Variants in SLC9A9 observed in about 807,000 individuals in gnomAD.
SLC9A9 encodes the protein solute carrier family 9 member A9, also known as sodium/hydrogen exchanger 9.
In SLC9A9, 62 loss-of-function variants were observed where a neutral mutation model predicts 77.8. The ratio of observed to expected loss-of-function variants is 0.80; its 90% CI spans 0.65 to 0.98. The LOEUF (loss-of-function observed/expected upper bound fraction) is 0.98. Among genes scored for constraint, SLC9A9 ranks in the 50% least tolerant of loss-of-function variants. The pLI is 0.00. For missense variants in SLC9A9, 775 were observed against 774.9 expected (o/e 1.00, Z 0.00); for synonymous variants, 320 against 283.5 (o/e 1.13, Z -1.29).
chr3:143,446,773 T>C (rs1183282308), intron 12 of SLC9A9, among the ~76,000 whole-genome samples: 1 of 152,164 alleles, frequency 6.6e-6, no homozygotes, highest in South Asian at 2.1e-4. Flanking sequence ...TCAGGAGAGA[T>C]GACTGACTCT....
chr3:143,334,865 T>G (rs2108458220), intron 14 of SLC9A9, among the ~76,000 whole-genome samples: 1 of 152,198 alleles, frequency 6.6e-6, no homozygotes, highest in Non-Finnish European at 1.5e-5. Flanking sequence ...AATAAAATCA[T>G]GTTTAAAGTA....
At chr3:143,375,065 T>TA (rs2033151950) in intron 13 of SLC9A9, among the ~76,000 whole-genome samples, 1 of 152,186 alleles carries the variant, frequency 6.6e-6, no homozygotes, top group East Asian at 1.9e-4. Context: ...AATTTACACT[T>TA]ACTGAGCTAT....
chr3:143,765,881 A>G (rs1186922424), intron 4 of SLC9A9, among the ~76,000 whole-genome samples: 1 of 152,172 alleles, frequency 6.6e-6, no homozygotes, highest in African/African-American at 2.4e-5. Context: ...GCAGAAGCCT[A>G]AAAAAGCCTT....
chr3:143,333,341 A>G (rs911502186), intron 14 of SLC9A9, among the ~76,000 whole-genome samples: 1 of 151,290 alleles, frequency 6.6e-6, no homozygotes, highest in Non-Finnish European at 1.5e-5. Context: ...TAGCAAGCAA[A>G]TAATGCTCCA....
At chr3:143,455,174 C>A (rs2035068826) in intron 12 of SLC9A9, among the ~76,000 whole-genome samples, 1 of 152,192 alleles carries the variant, frequency 6.6e-6, no homozygotes, top group Non-Finnish European at 1.5e-5. Context: ...GCTGAAAATA[C>A]TATCCCTATG....
chr3:143,326,406 G>A (rs138607339), intron 14 of SLC9A9, among the ~76,000 whole-genome samples: 9 of 152,116 alleles, frequency 5.9e-5, no homozygotes, highest in Non-Finnish European at 1.0e-4. Context: ...CCGGCCCTGC[G>A]TGATCTGTCT....
intron 9 of SLC9A9, among the ~76,000 whole-genome samples, chr3:143,532,691 C>T (rs1281968400): frequency 6.6e-6 from 1 of 152,188 alleles, no homozygotes; most frequent in Admixed American, 6.5e-5. Flanking sequence ...ATGTAGCCGA[C>T]ATGGGCTAGT....
chr3:143,308,170 A>G (rs2030875029), intron 14 of SLC9A9, among the ~76,000 whole-genome samples: 1 of 152,216 alleles, frequency 6.6e-6, no homozygotes, highest in Admixed American at 6.5e-5. Context: ...ACCAAGAATG[A>G]GCAATTTAAC....
intron 9 of SLC9A9, among the ~76,000 whole-genome samples, chr3:143,502,334 T>C (rs978725560): frequency 7.0e-6 from 1 of 143,092 alleles, no homozygotes; most frequent in African/African-American, 3.0e-5. Context: ...AAGAGGACAA[T>C]CTGTGTTTAA....
rs145135496 is a variant in SLC9A9, at chr3:143,349,916, C to T, written c.1604+13568G>A. Among the ~76,000 whole-genome samples, 526 of 152,312 alleles carry T rather than the reference C, an allele frequency of 3.5e-3. 4 individuals carry two copies. The highest frequency in any genetic ancestry group is 0.012 in the African/African-American group (506 of 41,560). The stretch of plus-strand genomic sequence containing the variant: ...AGCCACTCAGAGAAAAACAAGTTCA[C>T]TCAGAGGTTTAGAGAACTCCATCCG... On this transcript the variant is annotated intron_variant, in intron 14 of 15. Coordinates refer to ENST00000316549, the MANE Select transcript of SLC9A9 (RefSeq NM_173653.4).
chr3:143,730,371 C>T (rs977316909), intron 4 of SLC9A9, among the ~76,000 whole-genome samples: 5 of 152,212 alleles, frequency 3.3e-5, no homozygotes, highest in Non-Finnish European at 7.3e-5. Flanking sequence ...CTGGTCTTCC[C>T]TTATGATGCA....
At chr3:143,293,734 A>ACACT (rs1182804154) in intron 14 of SLC9A9, among the ~76,000 whole-genome samples, 1 of 152,210 alleles carries the variant, frequency 6.6e-6, no homozygotes, top group Non-Finnish European at 1.5e-5. Flanking sequence ...GAATAACGTG[A>ACACT]CACTCAAGCA....
At chr3:143,682,755 C>G (rs1576656720) in intron 5 of SLC9A9, among the ~76,000 whole-genome samples, 1 of 152,122 alleles carries the variant, frequency 6.6e-6, no homozygotes, top group East Asian at 1.9e-4. Context: ...TTTCTGGGCT[C>G]TTAGCCCCCT....
intron 6 of SLC9A9, 135 bp from the exon 7 acceptor site, chr3:143,578,858 A>T: frequency 9.8e-7 from 1 of 1,022,040 alleles, no homozygotes; most frequent in Non-Finnish European, 1.5e-6. Flanking sequence ...GGGAAAACAG[A>T]TACAGAAGGG....
At chr3:143,294,315 G>C (rs931396023) in intron 14 of SLC9A9, among the ~76,000 whole-genome samples, 3 of 152,172 alleles carry the variant, frequency 2.0e-5, no homozygotes, top group African/African-American at 7.2e-5. Flanking sequence ...AGGGAGGAAG[G>C]GGGAGCGGTT....
chr3:143,320,979 A>G (rs757615951), intron 14 of SLC9A9, among the ~76,000 whole-genome samples: 3 of 152,218 alleles, frequency 2.0e-5, no homozygotes, highest in South Asian at 2.1e-4. Context: ...TGGTGCATCC[A>G]TAAGCTAAGG....
intron 12 of SLC9A9, among the ~76,000 whole-genome samples, chr3:143,449,789 TTA>T (rs1343299667): frequency 1.2e-5 from 1 of 82,748 alleles, no homozygotes; most frequent in Non-Finnish European, 2.0e-5. Context: ...TTATATATAA[TTA>T]TATATATTTT....
intron 14 of SLC9A9, among the ~76,000 whole-genome samples, chr3:143,291,000 A>G (rs898896589): frequency 1.3e-5 from 2 of 152,170 alleles, no homozygotes; most frequent in Non-Finnish European, 2.9e-5. Context: ...TTGATGCTCA[A>G]AAATGTTTGT....
chr3:143,598,856 A>G, intron 6 of SLC9A9, among the ~76,000 whole-genome samples: 1 of 152,232 alleles, frequency 6.6e-6, no homozygotes. Flanking sequence ...CAATAAGGAC[A>G]AAAAGATACC....
Sources: allele counts gnomAD v4.1 joint callset (sites outside exome capture counted in the v4.1 genomes callset), GRCh38; gene constraint gnomAD v4.1.1; transcripts MANE v1.5; gene names NCBI Gene and HGNC (gene_info 2026-07-23, HGNC 2026-07-21).